RGS20: variants seen among roughly 807,000 people sequenced by gnomAD.
RGS20 encodes gz-selective GTPase-activating protein.
RGS20 carries 30 observed loss-of-function variants against 33.6 expected under a neutral mutation model. That is an observed-to-expected ratio of 0.89 (90% CI 0.67 to 1.21). The LOEUF is 1.21. Ranked by LOEUF, RGS20 falls within the 50% of genes most tolerant of loss-of-function variation. The probability of loss-of-function intolerance (pLI) is 0.00; values close to 1 mark genes in which losing one functional copy is unlikely to be tolerated. For missense variants in RGS20, 472 were observed against 502.4 expected, an observed-to-expected ratio of 0.94 and a Z score of 0.58; for synonymous variants, 208 against 197.9, an observed-to-expected ratio of 1.05 and a Z score of -0.43.
chr8:53,956,422 G>C (rs569939014), intron 5 of RGS20, among the ~76,000 whole-genome samples: 6 of 152,284 alleles, frequency 3.9e-5, no homozygotes, highest in Non-Finnish European at 7.4e-5. Context: ...ATTTTTGAAA[G>C]ACCAGTAGGG....
chr8:53,881,011 G>T, intron 2 of RGS20: 1 of 1,595,676 alleles, frequency 6.3e-7, no homozygotes. Flanking sequence ...GCACCCGCGG[G>T]ACGCATGCGC....
chr8:53,854,512 G>A (rs1811632186), intron 1 of RGS20, among the ~76,000 whole-genome samples: 1 of 151,870 alleles, frequency 6.6e-6, no homozygotes, highest in Non-Finnish European at 1.5e-5. Context: ...GCAAATTAAA[G>A]TCACAGTGAA....
At chr8:53,882,052 AC>A (rs1205137257) in intron 2 of RGS20, among the ~76,000 whole-genome samples, 10 of 151,128 alleles carry the variant, frequency 6.6e-5, no homozygotes, top group Non-Finnish European at 1.2e-4. Flanking sequence ...GCGCTCCGGG[AC>A]CGGGGTGGCT....
chr8:53,859,640 T>G (rs1563336622), intron 1 of RGS20, among the ~76,000 whole-genome samples: 1 of 152,208 alleles, frequency 6.6e-6, no homozygotes, highest in Non-Finnish European at 1.5e-5. Flanking sequence ...GGGAGTGTAT[T>G]AGTCCATTTT....
chr8:53,913,518 A>C (rs1446517523), intron 2 of RGS20: 4 of 152,182 alleles, frequency 2.6e-5, no homozygotes, highest in Non-Finnish European at 5.9e-5. Flanking sequence ...GCACCACCAC[A>C]TCTGGCTAAT....
At position 53,958,644 on chromosome 8, in the gene RGS20, C is replaced by CT; in HGVS notation, c.*190dup. The stretch of plus-strand genomic sequence containing the variant: ...TAAACTGCAGCCACCTTTAGTGATA[C>CT]TTTTGAAAAAAAAAAATAAAGGGAT... On this transcript the variant is annotated 3_prime_UTR_variant, in exon 6 of 6. Coordinates refer to ENST00000297313, the MANE Select transcript of RGS20 (RefSeq NM_170587.4). 3.1e-6 allele frequency: 1 copy of CT among 318,060 alleles called. No homozygotes were observed. The allele number at this position is 318,060 out of a possible 1,614,324, so 19.7% of individuals were successfully genotyped here.
At chr8:53,856,027 G>A (rs986333125) in intron 1 of RGS20, among the ~76,000 whole-genome samples, 1 of 152,116 alleles carries the variant, frequency 6.6e-6, no homozygotes, top group Non-Finnish European at 1.5e-5. Flanking sequence ...GCTTCTGACA[G>A]TGATTTAAAA....
chr8:53,868,021 C>T (rs1226835960), intron 1 of RGS20, among the ~76,000 whole-genome samples: 1 of 152,072 alleles, frequency 6.6e-6, no homozygotes, highest in Non-Finnish European at 1.5e-5. Flanking sequence ...AAAGCTGGGT[C>T]ATTCTTTTTA....
intron 3 of RGS20, among the ~76,000 whole-genome samples, chr8:53,944,419 T>C (rs996307149): frequency 1.3e-5 from 2 of 151,738 alleles, no homozygotes; most frequent in South Asian, 2.1e-4. Flanking sequence ...GCGCCTGTAG[T>C]CCCAGCTACT....
intron 2 of RGS20, among the ~76,000 whole-genome samples, chr8:53,903,352 C>T (rs1813083542): frequency 2.0e-5 from 3 of 152,164 alleles, no homozygotes; most frequent in African/African-American, 7.2e-5. Context: ...ACATTTGTTA[C>T]AGGATAAGAA....
chr8:53,949,568 T>C (rs1043011676), intron 4 of RGS20, among the ~76,000 whole-genome samples: 6 of 151,372 alleles, frequency 4.0e-5, no homozygotes, highest in Non-Finnish European at 7.4e-5. Context: ...ATACAAAAAT[T>C]AGCGGGGCGT....
At chr8:53,955,818 C>A (rs931146217) in intron 5 of RGS20, among the ~76,000 whole-genome samples, 4 of 151,980 alleles carry the variant, frequency 2.6e-5, no homozygotes, top group Non-Finnish European at 5.9e-5. Context: ...GCAACAAGAG[C>A]AAAACTCCAT....
intron 1 of RGS20, among the ~76,000 whole-genome samples, chr8:53,867,408 A>C (rs1040437523): frequency 1.3e-5 from 2 of 152,180 alleles, no homozygotes; most frequent in East Asian, 1.9e-4. Context: ...ATCTTCAAAA[A>C]ACCTTAGGAT....
rs1813796911 is a variant in RGS20 at position 53,926,418 on chromosome 8, T to C, written c.511-13158T>C. Among the ~76,000 whole-genome samples the C allele has an allele frequency of 2.0e-5, 3 of 152,306 alleles. No individual in the cohort carries two copies. In the South Asian group the frequency reaches 6.2e-4, roughly 32 times the overall value. On this transcript the variant is annotated intron_variant, in intron 2 of 5. Coordinates refer to ENST00000297313, the MANE Select transcript of RGS20 (RefSeq NM_170587.4). ...TCCTTCATCAGAAGCTTATCTATGA[T>C]TCTATATCTTTCTGGAACAGGAACT... is the stretch of plus-strand genomic sequence containing the variant.
intron 1 of RGS20, among the ~76,000 whole-genome samples, chr8:53,866,041 G>C (rs974866255): frequency 1.3e-5 from 2 of 152,166 alleles, no homozygotes; most frequent in Non-Finnish European, 2.9e-5. Flanking sequence ...AGCTTCCTGA[G>C]GGAAATGGCA....
intron 2 of RGS20, among the ~76,000 whole-genome samples, chr8:53,884,024 G>A (rs1268886025): frequency 1.3e-5 from 2 of 151,548 alleles, no homozygotes; most frequent in Non-Finnish European, 2.9e-5. Context: ...CTCTTATAAC[G>A]GGATGGCACA....
intron 1 of RGS20, among the ~76,000 whole-genome samples, chr8:53,860,946 A>G (rs1361511190): frequency 6.6e-6 from 1 of 152,060 alleles, no homozygotes; most frequent in Non-Finnish European, 1.5e-5. Context: ...TAGCCTGGGC[A>G]ACAGAGTGAG....
At chr8:53,919,963 C>T (rs1813597060) in intron 2 of RGS20, among the ~76,000 whole-genome samples, 2 of 152,138 alleles carry the variant, frequency 1.3e-5, no homozygotes, top group Admixed American at 1.3e-4. Flanking sequence ...GCAGCCTCAA[C>T]TTCTGGGCTA....
At chr8:53,868,067 C>T (rs1392974561) in intron 1 of RGS20, among the ~76,000 whole-genome samples, 4 of 152,120 alleles carry the variant, frequency 2.6e-5, no homozygotes, top group Non-Finnish European at 5.9e-5. Context: ...AATCAATTTA[C>T]TAAGTAAAGT....
Sources: allele counts gnomAD v4.1 joint callset (sites outside exome capture counted in the v4.1 genomes callset), GRCh38; gene constraint gnomAD v4.1.1; transcripts MANE v1.5; gene names NCBI Gene and HGNC (gene_info 2026-07-23, HGNC 2026-07-21).